The following CDH10 variants were observed in gnomAD, a reference collection of about 807,000 sequenced individuals.
CDH10 encodes the protein cadherin-10.
In CDH10, 30 loss-of-function variants were observed where a neutral mutation model predicts 73.1. The ratio of observed to expected loss-of-function variants is 0.41; its 90% CI spans 0.31 to 0.56. The LOEUF (loss-of-function observed/expected upper bound fraction) is 0.56, where lower values mean the gene tolerates loss of function less well. Ranked by LOEUF, CDH10 falls within the 20% of genes least tolerant of loss-of-function variation. The pLI, the probability that CDH10 is intolerant of heterozygous loss-of-function variation, is 0.27. For synonymous variants in CDH10, 345 were observed against 348.2 expected (o/e 0.99, Z 0.10); for missense variants, 815 against 973.7 (o/e 0.84, Z 2.17).
chr5:24,641,184 T>C (rs1265648719), intron 1 of CDH10, among the ~76,000 whole-genome samples: 1 of 151,906 alleles, frequency 6.6e-6, no homozygotes, highest in Non-Finnish European at 1.5e-5. Flanking sequence ...AGAAATGGAT[T>C]ATAAAAGGGC....
intron 1 of CDH10, among the ~76,000 whole-genome samples, chr5:24,599,577 C>G (rs1282442734): frequency 6.6e-6 from 1 of 152,100 alleles, no homozygotes; most frequent in African/African-American, 2.4e-5. Context: ...GAACATGCAT[C>G]AGACTGGCAT....
At chr5:24,492,030 T>G (rs764854056) in intron 10 of CDH10, among the ~76,000 whole-genome samples, 10 of 152,196 alleles carry the variant, frequency 6.6e-5, no homozygotes, top group Non-Finnish European at 1.2e-4. Context: ...AATTGTTCAT[T>G]TATTAGGTTT....
At chr5:24,598,606 A>G (rs1055813022) in intron 1 of CDH10, among the ~76,000 whole-genome samples, 1 of 151,978 alleles carries the variant, frequency 6.6e-6, no homozygotes, top group Non-Finnish European at 1.5e-5. Context: ...CAGAACTCAC[A>G]TAAGACATTA....
intron 5 of CDH10, among the ~76,000 whole-genome samples, chr5:24,534,469 A>C (rs930256372): frequency 1.3e-5 from 2 of 152,164 alleles, no homozygotes; most frequent in Middle Eastern, 3.4e-3. Context: ...GAATAAATGC[A>C]TGTGTTTCTA....
chr5:24,491,534 A>G (rs1333566233), intron 11 of CDH10, 42 bp downstream of exon 11: 1 of 1,559,390 alleles, frequency 6.4e-7, no homozygotes. Context: ...AATCATACTA[A>G]AGAGCCTAGA....
chr5:24,617,568 A>G (rs942114213), intron 1 of CDH10, among the ~76,000 whole-genome samples: 3 of 152,232 alleles, frequency 2.0e-5, no homozygotes, highest in African/African-American at 7.2e-5. Flanking sequence ...GAGCAAATGT[A>G]AAAGTAATAC....
chr5:24,533,439 G>T (rs1743822282), intron 5 of CDH10, among the ~76,000 whole-genome samples: 1 of 151,960 alleles, frequency 6.6e-6, no homozygotes, highest in Non-Finnish European at 1.5e-5. Flanking sequence ...GTTGGAGGTA[G>T]ATTTAATTTA....
intron 2 of CDH10, among the ~76,000 whole-genome samples, chr5:24,557,302 AC>A (rs1416053528): frequency 6.6e-6 from 1 of 151,630 alleles, no homozygotes; most frequent in Non-Finnish European, 1.5e-5. Context: ...CTTGTATTTT[AC>A]TTTTGTTGCC....
chr5:24,522,365 C>T (rs905326506), intron 5 of CDH10, among the ~76,000 whole-genome samples: 1 of 152,036 alleles, frequency 6.6e-6, no homozygotes, highest in African/African-American at 2.4e-5. Flanking sequence ...GTTTTAGATT[C>T]AGCATAGTCC....
At chr5:24,489,226 T>C (rs1579706859) in intron 11 of CDH10, among the ~76,000 whole-genome samples, 1 of 152,128 alleles carries the variant, frequency 6.6e-6, no homozygotes, top group South Asian at 2.1e-4. Flanking sequence ...TTAAAGAGTA[T>C]GTAATTAATT....
At chr5:24,528,874 C>A (rs1036138415) in intron 5 of CDH10, among the ~76,000 whole-genome samples, 14 of 151,920 alleles carry the variant, frequency 9.2e-5, no homozygotes, top group Non-Finnish European at 1.3e-4. Context: ...GGATCCGCAA[C>A]CTGCTTCTTA....
At chr5:24,503,873 C>A (rs764023100) in intron 8 of CDH10, among the ~76,000 whole-genome samples, 1 of 152,000 alleles carries the variant, frequency 6.6e-6, no homozygotes, top group Admixed American at 6.6e-5. Context: ...CCTGGGATTC[C>A]TCATCTGTAA....
At chr5:24,594,829 C>A (rs879914563) in intron 1 of CDH10, among the ~76,000 whole-genome samples, 26 of 151,626 alleles carry the variant, frequency 1.7e-4, no homozygotes, top group Admixed American at 9.2e-4. Context: ...TTCTGTTTTT[C>A]TTCTACAATC....
chr5:24,563,083 T>C (rs1048118786), intron 2 of CDH10, among the ~76,000 whole-genome samples: 27 of 152,272 alleles, frequency 1.8e-4, no homozygotes, highest in African/African-American at 6.0e-4. Context: ...AATAATATCT[T>C]GTGTGGTACA....
chr5:24,620,640 C>T (rs1354035137), intron 1 of CDH10, among the ~76,000 whole-genome samples: 1 of 152,132 alleles, frequency 6.6e-6, no homozygotes, highest in Admixed American at 6.5e-5. Flanking sequence ...TTGTACTTTT[C>T]TGGCCTTTAT....
chr5:24,610,572 G>C (rs962124919), intron 1 of CDH10, among the ~76,000 whole-genome samples: 1 of 151,934 alleles, frequency 6.6e-6, no homozygotes, highest in Non-Finnish European at 1.5e-5. Flanking sequence ...CTGCTCTACC[G>C]AATGGAATTA....
chr5:24,588,747 A>G (rs1218456753), intron 2 of CDH10, among the ~76,000 whole-genome samples: 2 of 152,204 alleles, frequency 1.3e-5, no homozygotes, highest in African/African-American at 4.8e-5. Context: ...CTCATGGATC[A>G]GTTTCTACAG....
At chr5:24,642,876 C>A (rs1748099517) in intron 1 of CDH10, among the ~76,000 whole-genome samples, 2 of 150,892 alleles carry the variant, frequency 1.3e-5, no homozygotes, top group Non-Finnish European at 2.9e-5. Flanking sequence ...AAGGCGTATG[C>A]ATTCACCAGA....
chr5:24,578,431 T>C (rs571913090), intron 2 of CDH10: 6 of 317,730 alleles, frequency 1.9e-5, no homozygotes, highest in Non-Finnish European at 2.6e-5. Context: ...ACTTTATTCC[T>C]TTGCCATACA....
Sources: gnomAD v4.1 joint callset for allele counts (sites outside exome capture counted in the v4.1 genomes callset) on GRCh38, gnomAD v4.1.1 for gene constraint, MANE v1.5 for transcripts, NCBI Gene and HGNC (gene_info 2026-07-23, HGNC 2026-07-21) for gene names.